DNAAF4: variants seen among roughly 807,000 people sequenced by gnomAD.
DNAAF4 encodes dynein assembly factor 4, axonemal.
In DNAAF4, 43 loss-of-function variants were observed where a neutral mutation model predicts 51.8. The observed-to-expected ratio is 0.83, with a 90% CI of 0.65 to 1.07. DNAAF4 has a LOEUF of 1.07. Ranked by LOEUF, DNAAF4 falls within the 50% of genes least tolerant of loss-of-function variation. The probability of loss-of-function intolerance (pLI) is 0.00; values close to 1 mark genes in which losing one functional copy is unlikely to be tolerated. For synonymous variants in DNAAF4, 194 were observed against 165.6 expected (o/e 1.17, Z -1.32); for missense variants, 581 against 493.0 (o/e 1.18, Z -1.69).
At chr15:55,442,564 C>A in intron 6 of DNAAF4, 1 of 1,006,694 alleles carries the variant, frequency 9.9e-7, no homozygotes, top group Admixed American at 1.7e-5. Flanking sequence ...AGTGAGGGAG[C>A]AGAGTATTCG....
intron 4 of DNAAF4, among the ~76,000 whole-genome samples, chr15:55,468,129 T>C (rs968971642): frequency 2.0e-5 from 3 of 152,226 alleles, no homozygotes; most frequent in Non-Finnish European, 2.9e-5. Context: ...GTTTCATTAA[T>C]GTACATTTAA....
At chr15:55,492,318 G>A (rs2058586120) in intron 3 of DNAAF4, among the ~76,000 whole-genome samples, 1 of 151,726 alleles carries the variant, frequency 6.6e-6, no homozygotes, top group Admixed American at 6.6e-5. Flanking sequence ...AAAACTTGAG[G>A]GGAAGACAAA....
intron 4 of DNAAF4, among the ~76,000 whole-genome samples, chr15:55,469,699 C>T (rs2058224961): frequency 6.6e-6 from 1 of 151,714 alleles, no homozygotes; most frequent in African/African-American, 2.4e-5. Flanking sequence ...ACTGTGTTAG[C>T]CAGGATGGTC....
At chr15:55,439,232 C>G (rs1353808409) in intron 7 of DNAAF4, among the ~76,000 whole-genome samples, 1 of 152,168 alleles carries the variant, frequency 6.6e-6, no homozygotes, top group Admixed American at 6.6e-5. Context: ...TTCTGAGTAG[C>G]TGGGACTACA....
rs116339967 is a variant in DNAAF4 at position 55,439,484 on chromosome 15, T to A, written c.881A>T (p.Lys294Met). 2.0e-3 allele frequency: 3,199 copies of A among 1,613,674 alleles called. 3 individuals are homozygous for A. The highest frequency in any genetic ancestry group is 2.5e-3 in the Non-Finnish European group (2,999 of 1,179,642). The change falls in exon 7 of 10, where the codon AAG becomes ATG. Residue 294 changes from lysine to methionine, a missense_variant. Coordinates refer to ENST00000321149, the MANE Select transcript of DNAAF4 (RefSeq NM_130810.4). The stretch of plus-strand genomic sequence containing the variant: ...TCAAACAACTTACTTTCCTTTATCC[T>A]TCAACCATTCTGGGTTCTTTTCTTC... ...KEEEKNPEWL[K>M]DKGNKLFATE...
downstream of DNAAF4, among the ~76,000 whole-genome samples, chr15:55,426,907 A>G (rs1052616038): frequency 6.6e-6 from 1 of 152,188 alleles, no homozygotes; most frequent in South Asian, 2.1e-4. Flanking sequence ...TTCCTGCTTC[A>G]GCTACCCTAT....
At chr15:55,434,823 T>G (rs1595891884) in intron 8 of DNAAF4, 82 bp downstream of exon 8, 1 of 1,155,592 alleles carries the variant, frequency 8.7e-7, no homozygotes, top group Non-Finnish European at 1.2e-6. Context: ...TTATTTCAAC[T>G]GAACAGAAAA....
chr15:55,439,875 G>C (rs1455974272), intron 6 of DNAAF4, among the ~76,000 whole-genome samples: 1 of 152,078 alleles, frequency 6.6e-6, no homozygotes, highest in Non-Finnish European at 1.5e-5. Context: ...CCCCCATGTG[G>C]ACACAGTGAG....
chr15:55,477,774 G>A (rs1262628073), intron 4 of DNAAF4, among the ~76,000 whole-genome samples: 1 of 151,774 alleles, frequency 6.6e-6, no homozygotes, highest in Admixed American at 6.6e-5. Context: ...CTTAGAAGCT[G>A]TCACTCCTAG....
At chr15:55,501,737 A>G (rs2058700477) in intron 1 of DNAAF4, among the ~76,000 whole-genome samples, 1 of 152,000 alleles carries the variant, frequency 6.6e-6, no homozygotes, top group African/African-American at 2.4e-5. Flanking sequence ...AAAACGAACT[A>G]AAATTAAGAA....
At chr15:55,467,468 G>T (rs138636678) in intron 4 of DNAAF4, among the ~76,000 whole-genome samples, 1 of 151,930 alleles carries the variant, frequency 6.6e-6, no homozygotes, top group African/African-American at 2.4e-5. Context: ...CATTCAATTA[G>T]ATGATACCTA....
chr15:55,448,520 GTGTGTGTGTGTGTGTGTGTGTGT>G (rs2057877424), intron 6 of DNAAF4, among the ~76,000 whole-genome samples: 1 of 30,390 alleles, frequency 3.3e-5, no homozygotes, highest in Non-Finnish European at 5.2e-5. Context: ...AAAAAAAAGG[GTGTGTGTGTGTGTGTGTGTGTGT>G]GTGTGTGTGT....
At chr15:55,452,411 T>TA (rs368750711) in intron 5 of DNAAF4, among the ~76,000 whole-genome samples, 2 of 151,628 alleles carry the variant, frequency 1.3e-5, no homozygotes, top group African/African-American at 2.4e-5. Flanking sequence ...TGAGGATAAC[T>TA]AAAAAAAACT....
chr15:55,504,502 C>T (rs1364952762), intron 1 of DNAAF4, among the ~76,000 whole-genome samples: 3 of 152,156 alleles, frequency 2.0e-5, no homozygotes, highest in Admixed American at 6.5e-5. Flanking sequence ...GGAGGCATTA[C>T]ACTACCTGAC....
intron 6 of DNAAF4, chr15:55,443,442 T>C (rs1342645924): frequency 3.4e-6 from 2 of 589,640 alleles, no homozygotes; most frequent in East Asian, 2.8e-5. Flanking sequence ...TAATCCAGTC[T>C]ATCATTGATG....
chr15:55,433,726 A>AAT (rs926696065), intron 8 of DNAAF4, among the ~76,000 whole-genome samples: 3 of 129,180 alleles, frequency 2.3e-5, no homozygotes, highest in Non-Finnish European at 3.1e-5. Context: ...ATATAAAACA[A>AAT]ATATATATAT....
intron 5 of DNAAF4, among the ~76,000 whole-genome samples, chr15:55,455,914 T>G (rs1468884122): frequency 1.3e-5 from 2 of 151,952 alleles, no homozygotes; most frequent in Non-Finnish European, 2.9e-5. Context: ...TAGCAGCACT[T>G]AGACTGAAGT....
chr15:55,462,783 G>T (rs550282666), intron 5 of DNAAF4, among the ~76,000 whole-genome samples: 2 of 152,220 alleles, frequency 1.3e-5, no homozygotes, highest in East Asian at 3.9e-4. Context: ...TGCAGGGCTG[G>T]TTTAACATAC....
Position 55,459,707 on chromosome 15 carries a change from TTTC to T in DNAAF4, c.637+7220_637+7222del, listed in dbSNP as rs563038262. Among the ~76,000 whole-genome samples, 690 of 139,510 alleles carry T rather than the reference TTTC, an allele frequency of 4.9e-3. 8 individuals are homozygous for T. The highest frequency in any genetic ancestry group is 0.021 in the African/African-American group (653 of 30,646). The allele number at this position is 139,510 out of a possible 152,430, so 91.5% of individuals were successfully genotyped here. A position where few individuals can be genotyped will look rare whatever the true frequency, so the allele number is the denominator to read the frequency against. On this transcript the variant is annotated intron_variant, in intron 5 of 9. Transcript: ENST00000321149. Reference sequence around the variant, plus strand: ...CTATTCTTTTTTCTTTCTTTCTTTCTTTCTTTTTTTTTTTGAGACAGAGTCTCC... The same window carrying T: ...CTATTCTTTTTTCTTTCTTTCTTTCTTTTTTTTTTTTGAGACAGAGTCTCC...
Sources: gnomAD v4.1 joint callset for allele counts (sites outside exome capture counted in the v4.1 genomes callset) on GRCh38, gnomAD v4.1.1 for gene constraint, MANE v1.5 for transcripts, NCBI Gene and HGNC (gene_info 2026-07-23, HGNC 2026-07-21) for gene names.